The following ZC3H6 variants were observed in gnomAD, a reference collection of about 807,000 sequenced individuals.
ZC3H6 encodes zinc finger CCCH domain-containing protein 6.
ZC3H6 carries 40 observed loss-of-function variants against 107.7 expected under a neutral mutation model. The ratio of observed to expected loss-of-function variants is 0.37; its 90% confidence interval spans 0.29 to 0.48. The LOEUF (loss-of-function observed/expected upper bound fraction) is 0.48, where lower values mean the gene tolerates loss of function less well. Among genes scored for constraint, ZC3H6 ranks in the 20% least tolerant of loss-of-function variants. The pLI is 0.98. For synonymous variants in ZC3H6, 493 were observed against 487.9 expected (o/e 1.01, Z -0.14); for missense variants, 1,267 against 1,410.4 (o/e 0.90, Z 1.63).
At chr2:112,322,506 G>A in intron 8 of ZC3H6, 143 bp from the exon 9 acceptor site, 2 of 893,318 alleles carry the variant, frequency 2.2e-6, no homozygotes, top group Non-Finnish European at 3.3e-6. Context: ...CTTCCAAGGT[G>A]TTGAGATTAA....
intron 1 of ZC3H6, among the ~76,000 whole-genome samples, chr2:112,285,512 A>G (rs1331961986): frequency 2.0e-5 from 3 of 151,956 alleles, no homozygotes; most frequent in African/African-American, 7.2e-5. Flanking sequence ...CCACAACGCC[A>G]CGCCCGGCTA....
intron 11 of ZC3H6, among the ~76,000 whole-genome samples, chr2:112,326,135 G>A (rs1470029586): frequency 6.6e-6 from 1 of 152,002 alleles, no homozygotes; most frequent in Non-Finnish European, 1.5e-5. Flanking sequence ...TTTTGATAGA[G>A]GCATGCAATG....
chr2:112,326,406 A>G (rs1446801844), intron 11 of ZC3H6, among the ~76,000 whole-genome samples: 1 of 152,034 alleles, frequency 6.6e-6, no homozygotes, highest in African/African-American at 2.4e-5. Context: ...TCTACTCTCT[A>G]TGTCCATGAG....
Position 112,324,476 on chromosome 2 carries a change from C to T in ZC3H6, c.1665C>T (p.Gly555=). ...TGGGTGGGGCTTACCACTCCCCAGG[C>T]TTTCCAGGACATGTGATGAAAGTAC... is the stretch of plus-strand genomic sequence containing the variant. The part of the protein sequence containing the change: ...PSMGGAYHSP[G]FPGHVMKVPR... The change falls in exon 10 of 12, where the codon GGC becomes GGT. Residue 555 remains glycine, a synonymous_variant. Coordinates refer to ENST00000409871, the MANE Select transcript of ZC3H6 (RefSeq NM_198581.3). 1.2e-6 allele frequency: 2 copies of T among 1,613,842 alleles called. No individual in the cohort carries two copies. Among genetic ancestry groups the T allele is most frequent in the South Asian group, 1.1e-5 (1 of 91,038 alleles).
At chr2:112,291,495 A>G (rs1316827852) in intron 1 of ZC3H6, among the ~76,000 whole-genome samples, 3 of 152,218 alleles carry the variant, frequency 2.0e-5, no homozygotes, top group Non-Finnish European at 4.4e-5. Flanking sequence ...CAGCCTCCCA[A>G]AGTGCTGTGA....
At chr2:112,329,997 G>A (rs1421342651) in intron 11 of ZC3H6, among the ~76,000 whole-genome samples, 1 of 151,936 alleles carries the variant, frequency 6.6e-6, no homozygotes, top group Admixed American at 6.6e-5. Context: ...GAGTTAAATA[G>A]GCTTTAAGAG....
Position 112,309,893 on chromosome 2 carries a change from T to G in ZC3H6, c.345T>G (p.His115Gln). The G allele has an allele frequency of 6.3e-7, 1 of 1,578,156 alleles. No individual in the cohort carries two copies. Among genetic ancestry groups the G allele is most frequent in the Non-Finnish European group, 8.6e-7 (1 of 1,161,072 alleles). ...TGTCCATTTTCACTTAGCGTGGACA[T>G]ATATCAGGAAGCTACATAACATCAA... ...DYDIPFTQRG[H>Q]ISGSYITSKK... Residue 115 changes from histidine to glutamine, a missense_variant, in exon 4 of 12, where the codon CAT (histidine) becomes CAG (glutamine). This residue lies in a region of ZC3H6 where 337 missense variants were observed against 361.2 expected (regional missense o/e 0.93). Coordinates refer to ENST00000409871, the MANE Select transcript of ZC3H6 (RefSeq NM_198581.3).
At chr2:112,280,487 G>A (rs1161443577) in intron 1 of ZC3H6, among the ~76,000 whole-genome samples, 1 of 151,584 alleles carries the variant, frequency 6.6e-6, no homozygotes, top group Non-Finnish European at 1.5e-5. Flanking sequence ...ACAGTGTTTC[G>A]TCTCTGCTAA....
chr2:112,297,944 C>T (rs1042632746), intron 1 of ZC3H6, among the ~76,000 whole-genome samples: 7 of 152,006 alleles, frequency 4.6e-5, no homozygotes, highest in Non-Finnish European at 1.0e-4. Flanking sequence ...GTGAAACCCC[C>T]ATCTCCGTAA....
intron 1 of ZC3H6, among the ~76,000 whole-genome samples, chr2:112,288,244 T>C (rs1686647091): frequency 1.3e-5 from 2 of 152,196 alleles, no homozygotes; most frequent in African/African-American, 4.8e-5. Context: ...TAATTTTTCA[T>C]TGGTATTCTC....
chr2:112,316,702 G>T, intron 6 of ZC3H6, 116 bp downstream of exon 6: 1 of 617,546 alleles, frequency 1.6e-6, no homozygotes, highest in Non-Finnish European at 2.8e-6. Context: ...ATAAAACTGG[G>T]TCTTTAAAAT....
At chr2:112,280,961 C>A (rs532145298) in intron 1 of ZC3H6, among the ~76,000 whole-genome samples, 2 of 138,382 alleles carry the variant, frequency 1.4e-5, no homozygotes, top group Admixed American at 1.5e-4. Flanking sequence ...AAGGGGAGAT[C>A]AGTAGAAGGA....
rs780352219 is a variant in ZC3H6, at chr2:112,325,182, C to T, written c.2071C>T (p.Pro691Ser). 3 of 1,613,796 alleles carry T rather than the reference C, an allele frequency of 1.9e-6. No individual in the cohort carries two copies. The highest frequency in any genetic ancestry group is 2.5e-6 in the Non-Finnish European group (3 of 1,179,866). Residue 691 changes from proline to serine, a missense_variant, in exon 11 of 12, where the codon CCA becomes TCA. Transcript: ENST00000409871. ...AACCAGCACCCAACCTCATAGGGCA[C>T]CAAGCAAGGAAGAAGGTGTGTCAGA... Reference protein sequence around the residue: ...EQTSTQPHRAPSKEEDDTVNW... With the variant: ...EQTSTQPHRASSKEEDDTVNW...
intron 1 of ZC3H6, among the ~76,000 whole-genome samples, chr2:112,285,363 T>C (rs562831872): frequency 6.6e-6 from 1 of 152,180 alleles, no homozygotes; most frequent in East Asian, 1.9e-4. Context: ...GAGTAAATTT[T>C]TTTTTTTTTT....
At chr2:112,293,665 G>T (rs1298350132) in intron 1 of ZC3H6, among the ~76,000 whole-genome samples, 1 of 152,200 alleles carries the variant, frequency 6.6e-6, no homozygotes, top group Non-Finnish European at 1.5e-5. Context: ...TAGTTTGGTG[G>T]GGGTAAGGTA....
intron 3 of ZC3H6, among the ~76,000 whole-genome samples, chr2:112,305,252 G>A (rs1319280181): frequency 6.6e-6 from 1 of 152,162 alleles, no homozygotes; most frequent in Non-Finnish European, 1.5e-5. Flanking sequence ...TTTCAAGTGA[G>A]AAGACATTTG....
intron 1 of ZC3H6, among the ~76,000 whole-genome samples, chr2:112,297,039 C>G (rs748275370): frequency 7.2e-5 from 11 of 152,150 alleles, no homozygotes; most frequent in South Asian, 2.1e-4. Flanking sequence ...GTGACATGAG[C>G]TGGGCATTGA....
intron 1 of ZC3H6, among the ~76,000 whole-genome samples, chr2:112,281,987 A>G (rs1686536349): frequency 6.6e-6 from 1 of 152,166 alleles, no homozygotes; most frequent in Non-Finnish European, 1.5e-5. Flanking sequence ...AAATCTGCCT[A>G]TACTGTTGTT....
chr2:112,311,657 G>T (rs1676594579), intron 4 of ZC3H6, 147 bp from the exon 5 acceptor site: 1 of 655,730 alleles, frequency 1.5e-6, no homozygotes, highest in Non-Finnish European at 2.4e-6. Flanking sequence ...AAGATACAAA[G>T]ATTTAATTTT....
Sources: allele counts gnomAD v4.1 joint callset (sites outside exome capture counted in the v4.1 genomes callset), GRCh38; gene constraint gnomAD v4.1.1; regional missense constraint gnomAD v4.1.1; transcripts MANE v1.5; gene names NCBI Gene and HGNC (gene_info 2026-07-23, HGNC 2026-07-21).